Variants in DNAH1 observed in about 807,000 individuals in gnomAD.
The protein encoded by DNAH1 is dynein axonemal heavy chain 1, also known as axonemal beta dynein heavy chain 1.
DNAH1 carries 327 observed loss-of-function variants against 484.3 expected under a neutral mutation model. The ratio of observed to expected loss-of-function variants is 0.68; its 90% CI spans 0.62 to 0.74. The LOEUF (loss-of-function observed/expected upper bound fraction) is 0.74. DNAH1 is among the 30% of genes least tolerant of loss of function. DNAH1 has a pLI of 0.00. For synonymous variants in DNAH1, 2,192 were observed against 2,191.9 expected (o/e 1.00, Z 0.00); for missense variants, 5,052 against 5,546.8 (o/e 0.91, Z 2.83).
Position 52,353,458 on chromosome 3 carries a change from G to A in DNAH1, c.3305G>A (p.Arg1102His), listed in dbSNP as rs746027255. 10 of 1,613,760 alleles carry A rather than the reference G, an allele frequency of 6.2e-6. No homozygotes were observed. Among genetic ancestry groups the A allele is most frequent in the East Asian group, 2.2e-5 (1 of 44,896 alleles). The change falls in exon 20 of 78, where the codon CGC becomes CAC. Residue 1102 changes from arginine to histidine, a missense_variant. Physicochemically the swap from Arg to His is conservative, Grantham distance 29. This residue lies in a region of DNAH1 where 2,929 missense variants were observed against 3,409.4 expected (regional missense o/e 0.86). Transcript: ENST00000420323. The surrounding 1 kb of genome is among the most constrained non-coding windows in gnomAD (Gnocchi z 5.0). ...TACATCCCACTGATCCAGGGGCTGC[G>A]CAACCCTGGCATGCGGATCCGGCAC... ...KPYIPLIQGLRNPGMRIRHWE... is the reference protein window; with the variant it reads ...KPYIPLIQGLHNPGMRIRHWE...
Position 52,364,868 on chromosome 3 carries a change from C to A in DNAH1, c.5367C>A (p.Asn1789Lys). Reference sequence around the variant, plus strand: ...GCCTCCGGGCCATCCGTGATGTGAACGTGCCCAAGTTCCTGCAGGAGGACC... The same window carrying A: ...GCCTCCGGGCCATCCGTGATGTGAAAGTGCCCAAGTTCCTGCAGGAGGACC... ...LICLRAIRDVNVPKFLQEDLK... is the reference protein window; with the variant it reads ...LICLRAIRDVKVPKFLQEDLK... The change falls in exon 34 of 78, where the codon AAC (asparagine) becomes AAA (lysine). Residue 1789 changes from asparagine (N) to lysine (K), a missense_variant. Transcript: ENST00000420323. The surrounding 1 kb of genome is among the most constrained non-coding windows in gnomAD (Gnocchi z 4.2). The A allele has an allele frequency of 6.2e-7, 1 of 1,613,954 alleles. No individual in the cohort carries two copies.
At chr3:52,338,722 T>C (rs1247155384) in intron 8 of DNAH1, among the ~76,000 whole-genome samples, 2 of 152,086 alleles carry the variant, frequency 1.3e-5, no homozygotes, top group Non-Finnish European at 2.9e-5. Context: ...GCCTGTGTGA[T>C]GCTTTTAAGA....
At chr3:52,339,734 C>T (rs1701863237) in intron 8 of DNAH1, among the ~76,000 whole-genome samples, 1 of 151,732 alleles carries the variant, frequency 6.6e-6, no homozygotes, top group African/African-American at 2.4e-5. Context: ...TCAAGGGCGC[C>T]CTCTTCTGTC....
At position 52,370,013 on chromosome 3, in the gene DNAH1, C is replaced by T. The variant is rs936581746; in HGVS notation, c.6132C>T (p.Phe2044=). The change falls in exon 38 of 78, where the codon TTC becomes TTT. Residue 2044 remains phenylalanine, a synonymous_variant. Transcript: ENST00000420323. ...EEHFKALFVS[F]LEESISFVRS... is the part of the protein sequence containing the mutation. ...ATTTCAAGGCCCTCTTTGTCAGCTT[C>T]CTGGAGGTGAGTGAGGCCACGGGTA... The T allele has an allele frequency of 1.3e-5, 21 of 1,613,006 alleles. No homozygotes were observed. Among genetic ancestry groups the T allele is most frequent in the East Asian group, 4.5e-5 (2 of 44,864 alleles).
rs1411729982 is a variant in DNAH1 at position 52,356,722 on chromosome 3, C to G, written c.3802C>G (p.Gln1268Glu). ...QQLPVESKRY[Q>E]TMERIWKKIM... is the part of the protein sequence containing the mutation. ...GCTGCCTGTGGAGAGCAAGCGCTAC[C>G]AGACCATGGAGCGGATCTGGAAGAA... The change falls in exon 22 of 78, where the codon CAG becomes GAG. Residue 1268 changes from glutamine (Q) to glutamate (E), a missense_variant. Coordinates refer to ENST00000420323, the MANE Select transcript of DNAH1 (RefSeq NM_015512.5). The G allele has an allele frequency of 6.2e-7, 1 of 1,613,728 alleles. No homozygotes were observed. Among genetic ancestry groups the G allele is most frequent in the Non-Finnish European group, 8.5e-7 (1 of 1,179,864 alleles).
chr3:52,347,901 A>G lies in DNAH1; in HGVS notation c.2033A>G (p.Gln678Arg). 6.2e-7 allele frequency: 1 copy of G among 1,609,330 alleles called. No individual in the cohort carries two copies. The highest frequency in any genetic ancestry group is 8.5e-7 in the Non-Finnish European group (1 of 1,177,892). ...GTGCACTATAGCACCCCACTGGAGC[A>G]GTTTGAGGCATCTCTGCTGAACCTC... ...SGVHYSTPLEQFEASLLNLFD... is the reference protein window; with the variant it reads ...SGVHYSTPLERFEASLLNLFD... The change falls in exon 12 of 78, where the codon CAG (glutamine) becomes CGG (arginine). Residue 678 changes from glutamine to arginine, a missense_variant. Physicochemically the swap from Gln to Arg is conservative, Grantham distance 43 (BLOSUM62 1). Around this residue, in one of 4 missense-constraint regions of DNAH1, gnomAD observed 1,263 missense variants for 1,218.8 expected, o/e 1.04. Transcript: ENST00000420323.
In DNAH1 at chr3:52,378,643, G is replaced by A; in HGVS notation, c.7240G>A (p.Glu2414Lys). ...HIAHFTEPLV[E>K]ATIMVYATIT... ...TGCCCACTTCACGGAGCCCCTTGTG[G>A]AAGCCACCATCATGGTGTATGCAAC... The change falls in exon 47 of 78, where the codon GAA becomes AAA. Residue 2414 changes from glutamate to lysine, a missense_variant. Glu to Lys is a moderately conservative substitution (Grantham distance 56). Around this residue, in one of 4 missense-constraint regions of DNAH1, gnomAD observed 2,929 missense variants for 3,409.4 expected, o/e 0.86. Transcript: ENST00000420323. The A allele has an allele frequency of 6.2e-7, 1 of 1,613,670 alleles. No individual in the cohort carries two copies. The highest frequency in any genetic ancestry group is 8.5e-7 in the Non-Finnish European group (1 of 1,179,840).
At chr3:52,332,050 C>CT in intron 7 of DNAH1, 92 bp from the exon 8 acceptor site, 1 of 1,463,888 alleles carries the variant, frequency 6.8e-7, no homozygotes, top group Non-Finnish European at 9.2e-7. Context: ...TTCAGGGCCA[C>CT]TGGGCATCCA....
chr3:52,324,957 G>A (rs973659404), intron 3 of DNAH1, among the ~76,000 whole-genome samples: 2 of 152,246 alleles, frequency 1.3e-5, no homozygotes, highest in East Asian at 1.9e-4. Context: ...GCCCGCGGAC[G>A]CAGCAGGGTC....
intron 60 of DNAH1, among the ~76,000 whole-genome samples, 174 bp from the exon 61 acceptor site, chr3:52,390,761 G>A (rs1000425924): frequency 3.3e-5 from 5 of 152,194 alleles, no homozygotes; most frequent in Non-Finnish European, 5.9e-5. Flanking sequence ...AGGGAGAGGC[G>A]GGAGTCCTGG....
chr3:52,328,006 T>TG lies in DNAH1; in HGVS notation c.867dup (p.His290AlafsTer2). 6.2e-7 allele frequency: 1 copy of TG among 1,613,620 alleles called. No homozygotes were observed. The highest frequency in any genetic ancestry group is 1.1e-5 in the South Asian group (1 of 91,076). On this transcript the variant is annotated frameshift_variant, in exon 6 of 78. Transcript: ENST00000420323. LOFTEE classifies it high-confidence loss of function. ...GCCCTCTTGCCCACTGATGACTTCC[T>TG]GGGGCATGGTGAGCAAGGCCACTCT...
At position 52,380,045 on chromosome 3, in the gene DNAH1, G is replaced by A. The variant is rs776691184; in HGVS notation, c.7518G>A (p.Lys2506=). The change falls in exon 48 of 78, where the codon AAG becomes AAA. Residue 2506 remains lysine, a synonymous_variant. Coordinates refer to ENST00000420323, the MANE Select transcript of DNAH1 (RefSeq NM_015512.5). ...AGCAGTGGGAGGTGACCTTCAACAA[G>A]GTCTGCCCCTTCCAGCCCATTCTTT... ...CMEQWEVTFN[K]VCPFQPILYG... 1.2e-6 allele frequency: 2 copies of A among 1,602,594 alleles called. No individual in the cohort carries two copies. Among genetic ancestry groups the A allele is most frequent in the Non-Finnish European group, 8.5e-7 (1 of 1,174,628 alleles).
Position 52,345,511 on chromosome 3 carries a change from C to A in DNAH1, c.1461C>A (p.Pro487=). The A allele has an allele frequency of 6.4e-7, 1 of 1,568,108 alleles. No homozygotes were observed. The highest frequency in any genetic ancestry group is 1.2e-5 in the South Asian group (1 of 85,518). ...TCCCTGCAGGGCTGGTGAGTGTCCC[C>A]AAGTACCACTTCTGGGAGCAGAAGG... ...QVPERGLVSV[P]KYHFWEQKED... The change falls in exon 10 of 78, where the codon CCC becomes CCA. Residue 487 remains proline (P), a synonymous_variant. Coordinates refer to ENST00000420323, the MANE Select transcript of DNAH1 (RefSeq NM_015512.5).
chr3:52,324,168 G>GC (rs1385471545), intron 3 of DNAH1, among the ~76,000 whole-genome samples: 1 of 152,192 alleles, frequency 6.6e-6, no homozygotes, highest in East Asian at 1.9e-4. Context: ...GGTCAGAAGG[G>GC]CATATGGGTG....
chr3:52,329,114 C>G (rs547411364), intron 6 of DNAH1, among the ~76,000 whole-genome samples: 1 of 152,194 alleles, frequency 6.6e-6, no homozygotes, highest in African/African-American at 2.4e-5. Flanking sequence ...GTTCCCAGAT[C>G]GCCAATTCCT....
intron 10 of DNAH1, 71 bp downstream of exon 10, chr3:52,345,777 G>A: frequency 6.7e-7 from 1 of 1,487,346 alleles, no homozygotes; most frequent in Non-Finnish European, 9.2e-7. Context: ...ACAGGTCGGG[G>A]CTGCAGCGGA....
At chr3:52,370,257 C>T (rs1559540893) in intron 39 of DNAH1, 28 bp downstream of exon 39, 6 of 1,608,408 alleles carry the variant, frequency 3.7e-6, no homozygotes, top group African/African-American at 2.7e-5. Flanking sequence ...GGGCTAGATG[C>T]ACCTGGTCCC....
At chr3:52,332,733 A>G (rs1013779787) in intron 8 of DNAH1, among the ~76,000 whole-genome samples, 4 of 152,186 alleles carry the variant, frequency 2.6e-5, no homozygotes, top group South Asian at 2.1e-4. Flanking sequence ...ATCATTCTTC[A>G]AAACCCTTAG....
rs201265486 is a variant in DNAH1 at position 52,373,041 on chromosome 3, C to T, written c.6973C>T (p.Arg2325Cys). 4.3e-6 allele frequency: 7 copies of T among 1,611,836 alleles called. No homozygotes were observed. Among genetic ancestry groups the T allele is most frequent in the African/African-American group, 2.7e-5 (2 of 75,052 alleles). Residue 2325 changes from arginine (R) to cysteine (C), a missense_variant, in exon 44 of 78, where the codon CGC becomes TGC. Transcript: ENST00000420323. ...QWMDHGGWYD[R>C]KIIGAFKNLV... The stretch of plus-strand genomic sequence containing the variant: ...GATGGACCACGGCGGCTGGTACGAC[C>T]GCAAGATCATTGGTGAGTGTGGCCG...
Sources: gnomAD v4.1 joint callset for allele counts (sites outside exome capture counted in the v4.1 genomes callset) on GRCh38, gnomAD v4.1.1 for gene constraint, gnomAD v4.1.1 regional missense constraint, Gnocchi (gnomAD v3.1) non-coding constraint, MANE v1.5 for transcripts, NCBI Gene and HGNC (gene_info 2026-07-23, HGNC 2026-07-21) for gene names.